Variants in PLD1 observed in about 807,000 individuals in gnomAD.
PLD1 encodes the protein choline phosphatase 1.
In PLD1, 112 loss-of-function variants were observed where a neutral mutation model predicts 137.1. The ratio of observed to expected loss-of-function variants is 0.82; its 90% CI spans 0.70 to 0.96. The LOEUF (loss-of-function observed/expected upper bound fraction) is 0.96. PLD1 is among the 40% of genes least tolerant of loss of function. The pLI, the probability that PLD1 is intolerant of heterozygous loss-of-function variation, is 0.00. For missense variants in PLD1, 1,321 were observed against 1,342.0 expected (o/e 0.98, Z 0.24); for synonymous variants, 431 against 454.7 (o/e 0.95, Z 0.66).
rs373873635 is a variant in PLD1, at chr3:171,614,845, G to A, written c.2729-2413C>T. Reference sequence around the variant, plus strand: ...CCCCTCCGCACACACATTCTCCCACGCGCCCCCATTCCTCTCCCACCACAG... The same window carrying A: ...CCCCTCCGCACACACATTCTCCCACACGCCCCCATTCCTCTCCCACCACAG... On this transcript the variant is annotated intron_variant, in intron 24 of 26. Transcript: ENST00000351298. 2.0e-4 allele frequency among the ~76,000 whole-genome samples: 30 copies of A among 152,232 alleles called. 1 individual carries two copies. The East Asian group carries it at 5.6e-3, about 28-fold the overall frequency.
chr3:171,805,751 T>C (rs949874842), intron 1 of PLD1, among the ~76,000 whole-genome samples: 1 of 152,256 alleles, frequency 6.6e-6, no homozygotes, highest in Non-Finnish European at 1.5e-5. Flanking sequence ...GAGGATGGAA[T>C]CACAGGTTAT....
intron 16 of PLD1, chr3:171,677,950 G>A: frequency 3.6e-6 from 1 of 281,622 alleles, no homozygotes; most frequent in Non-Finnish European, 6.6e-6. Context: ...AGGCAGTTGA[G>A]TAACTTATTT....
At chr3:171,668,894 T>G (rs960335066) in intron 19 of PLD1, among the ~76,000 whole-genome samples, 1 of 152,228 alleles carries the variant, frequency 6.6e-6, no homozygotes, top group Non-Finnish European at 1.5e-5. Context: ...TTATTCTAGT[T>G]CCTTCACCTT....
In PLD1 at chr3:171,620,422, T is replaced by C; in HGVS notation, c.2692A>G (p.Lys898Glu). 6.3e-7 allele frequency: 1 copy of C among 1,598,816 alleles called. No individual in the cohort carries two copies. Among genetic ancestry groups the C allele is most frequent in the Non-Finnish European group, 8.6e-7 (1 of 1,168,912 alleles). ...LVTELIYVHS[K>E]LLIADDNTVI... ...GTGTTATCATCAGCAATTAACAACT[T>C]GCTGTGGACATAGATAAGCTCAGTT... is the stretch of plus-strand genomic sequence containing the variant. Residue 898 changes from lysine (K) to glutamate (E), a missense_variant, in exon 24 of 27, where the codon AAG (lysine) becomes GAG (glutamate). Transcript: ENST00000351298.
intron 1 of PLD1, among the ~76,000 whole-genome samples, chr3:171,764,828 AAAGAAAGAAAGAAAG>A (rs1560287845): frequency 0.041 from 1,046 of 25,772 alleles, 227 homozygotes; most frequent in Middle Eastern, 0.075. Context: ...AAAGAAAGAG[AAAGAAAGAAAGAAAG>A]AAAGAAAGAA....
chr3:171,726,287 G>T (rs1356548039), intron 6 of PLD1, among the ~76,000 whole-genome samples: 1 of 152,154 alleles, frequency 6.6e-6, no homozygotes, highest in Non-Finnish European at 1.5e-5. Flanking sequence ...TAAATCTGAA[G>T]AGAGAGATGT....
intron 1 of PLD1, among the ~76,000 whole-genome samples, chr3:171,759,099 A>AT (rs11360641): frequency 0.69 from 103,899 of 151,176 alleles, 36,128 homozygotes; most frequent in Middle Eastern, 0.78. Context: ...TATTAACACA[A>AT]TTTTTTTTTT....
At chr3:171,618,987 G>A (rs988536675) in intron 24 of PLD1, among the ~76,000 whole-genome samples, 2 of 151,990 alleles carry the variant, frequency 1.3e-5, no homozygotes, top group Admixed American at 6.6e-5. Flanking sequence ...TCAGATATGA[G>A]ATATGTTTTC....
At chr3:171,765,240 C>T (rs1191340381) in intron 1 of PLD1, 5 of 152,096 alleles carry the variant, frequency 3.3e-5, no homozygotes, top group African/African-American at 7.2e-5. Flanking sequence ...TGTTAAAAAA[C>T]GATTTCCAGA....
Position 171,680,817 on chromosome 3 carries a change from C to A in PLD1, c.1868-3123G>T, listed in dbSNP as rs1385289521. 2.0e-5 allele frequency among the ~76,000 whole-genome samples: 3 copies of A among 152,230 alleles called. No individual in the cohort carries two copies. The East Asian group carries it at 5.8e-4, about 29-fold the overall frequency. On this transcript the variant is annotated intron_variant, in intron 16 of 26. Transcript: ENST00000351298. ...GACTTCTCCACCCACCTCCCCACGG[C>A]TTCCCAGATCATGATGAAAATCTGC...
intron 8 of PLD1, among the ~76,000 whole-genome samples, chr3:171,724,069 G>T (rs778020084): frequency 2.6e-5 from 4 of 152,088 alleles, no homozygotes; most frequent in African/African-American, 9.7e-5. Context: ...CACTTGTAAG[G>T]CTATTATCCA....
chr3:171,739,494 T>C (rs1310329193), intron 1 of PLD1, among the ~76,000 whole-genome samples: 1 of 152,156 alleles, frequency 6.6e-6, no homozygotes. Context: ...TGGAGCCAAA[T>C]TTGTGGCCTA....
intron 24 of PLD1, among the ~76,000 whole-genome samples, chr3:171,617,729 G>T (rs1733241758): frequency 6.6e-6 from 1 of 152,124 alleles, no homozygotes; most frequent in Non-Finnish European, 1.5e-5. Context: ...TTAAAGCTAT[G>T]CACAAAAGAG....
intron 1 of PLD1, among the ~76,000 whole-genome samples, chr3:171,800,098 A>G (rs761619112): frequency 2.0e-5 from 3 of 152,230 alleles, no homozygotes; most frequent in Admixed American, 6.5e-5. Flanking sequence ...TGTATCATAT[A>G]CCTATGTGAG....
At chr3:171,633,130 T>A (rs921010853) in intron 23 of PLD1, among the ~76,000 whole-genome samples, 3 of 152,114 alleles carry the variant, frequency 2.0e-5, no homozygotes, top group African/African-American at 7.2e-5. Flanking sequence ...ATTTATGATG[T>A]GAATAAATTC....
intron 25 of PLD1, 21 bp from the exon 26 acceptor site, chr3:171,605,437 A>C (rs751497925): frequency 7.5e-7 from 1 of 1,328,172 alleles, no homozygotes; most frequent in Admixed American, 1.7e-5. Context: ...AGTGACCTCC[A>C]CATTGAGTAA....
chr3:171,637,704 C>G (rs1735250669), intron 23 of PLD1, among the ~76,000 whole-genome samples: 1 of 152,074 alleles, frequency 6.6e-6, no homozygotes, highest in African/African-American at 2.4e-5. Context: ...AAACCTACTA[C>G]ACAAATCATA....
chr3:171,683,966 C>T (rs972965445), intron 16 of PLD1, among the ~76,000 whole-genome samples: 2 of 152,142 alleles, frequency 1.3e-5, no homozygotes, highest in African/African-American at 4.8e-5. Context: ...TCACCATTTC[C>T]CTACTCTTTG....
chr3:171,677,284 A>G (rs1713474275), intron 17 of PLD1, among the ~76,000 whole-genome samples: 1 of 152,212 alleles, frequency 6.6e-6, no homozygotes, highest in African/African-American at 2.4e-5. Flanking sequence ...GGAGCCTACC[A>G]TTTCCTGAAA....
Sources: allele counts gnomAD v4.1 joint callset (sites outside exome capture counted in the v4.1 genomes callset), GRCh38; gene constraint gnomAD v4.1.1; transcripts MANE v1.5; gene names NCBI Gene and HGNC (gene_info 2026-07-23, HGNC 2026-07-21).